SLC9A8: variants seen among roughly 807,000 people sequenced by gnomAD.
SLC9A8 encodes sodium/hydrogen exchanger 8.
In SLC9A8, 48 loss-of-function variants were observed where a neutral mutation model predicts 66.6. The ratio of observed to expected loss-of-function variants is 0.72; its 90% CI spans 0.57 to 0.92. The LOEUF (loss-of-function observed/expected upper bound fraction) is 0.92, where lower values mean the gene tolerates loss of function less well. SLC9A8 is among the 40% of genes least tolerant of loss of function. SLC9A8 has a pLI of 0.00. For missense variants in SLC9A8, 599 were observed against 747.3 expected (o/e 0.80, Z 2.31); for synonymous variants, 274 against 282.6 (o/e 0.97, Z 0.31).
chr20:49,850,773 TG>T, intron 6 of SLC9A8, 36 bp from the exon 7 acceptor site: 2 of 1,602,148 alleles, frequency 1.2e-6, no homozygotes. Flanking sequence ...GTTTTTTTTT[TG>T]TGTGTGTCTG....
rs1340747581 is a variant in SLC9A8, at chr20:49,815,129, C to G, written c.148C>G (p.Gln50Glu). Residue 50 changes from glutamine (Q) to glutamate (E), a missense_variant, in exon 2 of 16, where the codon CAG becomes GAG. Coordinates refer to ENST00000361573, the MANE Select transcript of SLC9A8 (RefSeq NM_015266.3). Reference sequence around the variant, plus strand: ...CATCCTCCCCGTGCAGACAGGGGAGCAGGCCCAGCAAGAGGAGCAGTCCAG... The same window carrying G: ...CATCCTCCCCGTGCAGACAGGGGAGGAGGCCCAGCAAGAGGAGCAGTCCAG... ...KPILPVQTGEQAQQEEQSSGM... is the reference protein window; with the variant it reads ...KPILPVQTGEEAQQEEQSSGM... The G allele has an allele frequency of 5.0e-6, 8 of 1,606,856 alleles. No individual in the cohort carries two copies. Among genetic ancestry groups the G allele is most frequent in the Non-Finnish European group, 5.9e-6 (7 of 1,176,900 alleles).
intron 4 of SLC9A8, among the ~76,000 whole-genome samples, chr20:49,842,411 A>C (rs1424128674): frequency 2.0e-5 from 3 of 152,182 alleles, no homozygotes; most frequent in Non-Finnish European, 2.9e-5. Flanking sequence ...TTCAATTCAG[A>C]AACTAATATT....
intron 7 of SLC9A8, among the ~76,000 whole-genome samples, chr20:49,854,033 G>A (rs2088361405): frequency 6.6e-6 from 1 of 152,196 alleles, no homozygotes; most frequent in South Asian, 2.1e-4. Flanking sequence ...CTAGACCCAG[G>A]CTTGGTGAGG....
chr20:49,837,893 A>C lies in SLC9A8; in HGVS notation c.290-1648A>C, dbSNP rs76811778. Among the ~76,000 whole-genome samples the C allele has an allele frequency of 3.3e-5, 5 of 152,274 alleles. No individual in the cohort carries two copies. The East Asian group carries it at 9.6e-4, about 29-fold the overall frequency. The stretch of plus-strand genomic sequence containing the variant: ...CGGTTCTGTGTGGCATTTTTATACT[A>C]TCCTGCCCAGCTGTTAAAAGGAATG... On this transcript the variant is annotated intron_variant, in intron 3 of 15. Coordinates refer to ENST00000361573, the MANE Select transcript of SLC9A8 (RefSeq NM_015266.3).
chr20:49,841,309 T>G (rs2087749340), intron 4 of SLC9A8, among the ~76,000 whole-genome samples: 1 of 135,870 alleles, frequency 7.4e-6, no homozygotes, highest in Non-Finnish European at 1.6e-5. Context: ...AGACCCTGTC[T>G]CTAAAAAAAA....
At chr20:49,852,008 G>A (rs2088274065) in intron 7 of SLC9A8, among the ~76,000 whole-genome samples, 1 of 152,230 alleles carries the variant, frequency 6.6e-6, no homozygotes. Context: ...GAATTGCCCT[G>A]TAGACACACT....
intron 2 of SLC9A8, among the ~76,000 whole-genome samples, chr20:49,815,752 A>G (rs1239158674): frequency 6.6e-6 from 1 of 152,118 alleles, no homozygotes; most frequent in African/African-American, 2.4e-5. Flanking sequence ...GGAAAAAAAA[A>G]AAAGAATCTT....
At chr20:49,830,815 AG>A in intron 3 of SLC9A8, 1 of 1,309,574 alleles carries the variant, frequency 7.6e-7, no homozygotes, top group Non-Finnish European at 1.1e-6. Flanking sequence ...GTGACAGATC[AG>A]GCCCAGCAGA....
chr20:49,859,502 C>T (rs1237876724), intron 8 of SLC9A8, among the ~76,000 whole-genome samples: 3 of 143,598 alleles, frequency 2.1e-5, no homozygotes, highest in African/African-American at 5.2e-5. Flanking sequence ...TTTTTTAGTA[C>T]AGAAGAAAAA....
chr20:49,834,433 GTATA>G (rs765521098), intron 3 of SLC9A8, among the ~76,000 whole-genome samples: 633 of 28,054 alleles, frequency 0.023, 33 homozygotes, highest in Non-Finnish European at 0.03. Context: ...TATATATACT[GTATA>G]TATATATATA....
At chr20:49,881,441 T>C (rs73125682) in intron 13 of SLC9A8, among the ~76,000 whole-genome samples, 15,993 of 152,222 alleles carry the variant, frequency 0.11, 884 homozygotes, top group African/African-American at 0.14. Flanking sequence ...TTTTGGATAT[T>C]TTTCCTTTTA....
chr20:49,838,318 C>T (rs2087625335), intron 3 of SLC9A8, among the ~76,000 whole-genome samples: 1 of 152,134 alleles, frequency 6.6e-6, no homozygotes, highest in Non-Finnish European at 1.5e-5. Context: ...GTAATTACAA[C>T]CTGAAAAAAT....
intron 14 of SLC9A8, 73 bp downstream of exon 14, chr20:49,884,139 G>A: frequency 7.6e-7 from 1 of 1,313,402 alleles, no homozygotes; most frequent in Admixed American, 1.8e-5. Flanking sequence ...CCACTGTCAG[G>A]AAATGGGGAG....
chr20:49,829,522 C>CAAA, intron 3 of SLC9A8: 4 of 232,290 alleles, frequency 1.7e-5, no homozygotes, highest in Non-Finnish European at 2.5e-5. Flanking sequence ...GACTCCATCT[C>CAAA]AAAAAAAAAA....
At chr20:49,878,565 T>A in intron 12 of SLC9A8, among the ~76,000 whole-genome samples, 1 of 152,228 alleles carries the variant, frequency 6.6e-6, no homozygotes, top group Non-Finnish European at 1.5e-5. Context: ...AATTTGTCTA[T>A]TTATATTTGT....
At chr20:49,856,349 C>G (rs932809889) in intron 8 of SLC9A8, among the ~76,000 whole-genome samples, 3 of 152,182 alleles carry the variant, frequency 2.0e-5, no homozygotes, top group African/African-American at 7.2e-5. Flanking sequence ...CTAGCTGATG[C>G]ATGTCACCTT....
At chr20:49,838,091 C>A (rs543795223) in intron 3 of SLC9A8, among the ~76,000 whole-genome samples, 3 of 152,036 alleles carry the variant, frequency 2.0e-5, no homozygotes, top group African/African-American at 7.3e-5. Context: ...CACCCTGGTA[C>A]TGTTGAGTTA....
chr20:49,873,466 C>T (rs1373134343), intron 10 of SLC9A8, among the ~76,000 whole-genome samples: 2 of 111,630 alleles, frequency 1.8e-5, no homozygotes, highest in Non-Finnish European at 3.6e-5. Context: ...TGGGCGACAA[C>T]GCGAAACCCT....
chr20:49,871,694 C>G (rs1030251532), intron 10 of SLC9A8, among the ~76,000 whole-genome samples: 5 of 152,158 alleles, frequency 3.3e-5, no homozygotes, highest in Non-Finnish European at 5.9e-5. Context: ...TCTTTCCTTT[C>G]GCCTAGAACT....
Sources: allele counts gnomAD v4.1 joint callset (sites outside exome capture counted in the v4.1 genomes callset), GRCh38; gene constraint gnomAD v4.1.1; transcripts MANE v1.5; gene names NCBI Gene and HGNC (gene_info 2026-07-23, HGNC 2026-07-21).